The following TRPM3 variants were observed in gnomAD, a reference collection of about 807,000 sequenced individuals.
TRPM3 encodes the protein transient receptor potential cation channel subfamily M member 3, also known as long transient receptor potential channel 3.
In TRPM3, 77 loss-of-function variants were observed where a neutral mutation model predicts 181.2. The ratio of observed to expected loss-of-function variants is 0.42; its 90% CI spans 0.35 to 0.51. TRPM3 has a LOEUF of 0.51. TRPM3 is among the 20% of genes least tolerant of loss of function. TRPM3 has a pLI of 0.01. For missense variants in TRPM3, 1,759 were observed against 2,196.7 expected, an observed-to-expected ratio of 0.80 and a Z score of 3.98; for synonymous variants, 745 against 796.4, an observed-to-expected ratio of 0.94 and a Z score of 1.09.
At chr9:71,086,552 A>G (rs910867162) in intron 1 of TRPM3, among the ~76,000 whole-genome samples, 3 of 152,008 alleles carry the variant, frequency 2.0e-5, no homozygotes, top group African/African-American at 7.2e-5. Context: ...TCAAAGTATC[A>G]AAGACCTGCA....
intron 1 of TRPM3, among the ~76,000 whole-genome samples, chr9:71,153,138 C>A (rs187538368): frequency 6.6e-6 from 1 of 152,102 alleles, no homozygotes; most frequent in East Asian, 1.9e-4. Flanking sequence ...ACCATCAGAT[C>A]ATCTTGGTAA....
At chr9:71,273,083 C>T (rs1303181496) in intron 1 of TRPM3, among the ~76,000 whole-genome samples, 2 of 152,112 alleles carry the variant, frequency 1.3e-5, no homozygotes, top group African/African-American at 4.8e-5. Context: ...CCATGTTGCC[C>T]AGGCTTGGTC....
intron 22 of TRPM3, among the ~76,000 whole-genome samples, chr9:70,581,497 C>T (rs1263829091): frequency 6.6e-6 from 1 of 152,230 alleles, no homozygotes; most frequent in African/African-American, 2.4e-5. Context: ...CTTATTTGGA[C>T]TCTGTCACAT....
At chr9:71,357,226 G>A (rs1055598244) in intron 1 of TRPM3, among the ~76,000 whole-genome samples, 12 of 152,152 alleles carry the variant, frequency 7.9e-5, no homozygotes, top group African/African-American at 2.9e-4. Context: ...ACTTCTTGCT[G>A]CAGTATCAGT....
At chr9:71,446,633 G>GCT in intron 1 of TRPM3, 1 of 1,547,710 alleles carries the variant, frequency 6.5e-7, no homozygotes, top group South Asian at 1.2e-5. Context: ...AAAGACTGGG[G>GCT]CTCTCCCCCG....
chr9:71,350,250 T>C (rs2091545001), intron 1 of TRPM3, among the ~76,000 whole-genome samples: 1 of 152,148 alleles, frequency 6.6e-6, no homozygotes, highest in African/African-American at 2.4e-5. Flanking sequence ...CTCTTCAAGG[T>C]ATTTCATGTC....
chr9:70,834,751 A>T (rs2094190170), intron 5 of TRPM3, among the ~76,000 whole-genome samples: 1 of 152,180 alleles, frequency 6.6e-6, no homozygotes, highest in Admixed American at 6.6e-5. Context: ...AAACCCTCAG[A>T]TGGTGCAGCC....
chr9:70,933,295 A>G (rs1382623688), intron 1 of TRPM3, among the ~76,000 whole-genome samples: 1 of 152,168 alleles, frequency 6.6e-6, no homozygotes, highest in Non-Finnish European at 1.5e-5. Context: ...TAGGAACTAA[A>G]TTGGTGGGTA....
chr9:71,345,408 C>T (rs1469091232), intron 1 of TRPM3, among the ~76,000 whole-genome samples: 1 of 152,058 alleles, frequency 6.6e-6, no homozygotes, highest in Non-Finnish European at 1.5e-5. Flanking sequence ...TACTATGCAG[C>T]CATAAAAAAG....
intron 1 of TRPM3, among the ~76,000 whole-genome samples, chr9:71,221,476 A>C (rs2131850193): frequency 6.6e-6 from 1 of 152,320 alleles, no homozygotes; most frequent in South Asian, 2.1e-4. Flanking sequence ...ACTATTGAGC[A>C]ATTTTATGTT....
chr9:70,794,955 A>T (rs1375606898), intron 6 of TRPM3, among the ~76,000 whole-genome samples: 1 of 152,244 alleles, frequency 6.6e-6, no homozygotes, highest in African/African-American at 2.4e-5. Context: ...CTGAAAAAAA[A>T]TTATTCCTAT....
chr9:71,050,690 G>A (rs951116308), intron 1 of TRPM3, among the ~76,000 whole-genome samples: 5 of 152,026 alleles, frequency 3.3e-5, no homozygotes, highest in East Asian at 1.9e-4. Flanking sequence ...CTGTACATTC[G>A]AAACTCTGGT....
intron 6 of TRPM3, chr9:70,811,371 ACCTATGTAGAG>A (rs1450043828): frequency 2.7e-6 from 2 of 742,860 alleles, no homozygotes; most frequent in Non-Finnish European, 4.6e-6. Context: ...GCACAGTGAA[ACCTATGTAGAG>A]CATCATCCAG....
At position 70,536,161 on chromosome 9, in the gene TRPM3, G is replaced by A. The variant is rs756840369; in HGVS notation, c.4952C>T (p.Ser1651Leu). The change falls in exon 26 of 26, where the codon TCG (serine) becomes TTG (leucine). Residue 1651 changes from serine (S) to leucine (L), a missense_variant. By Grantham distance (145) the Ser-to-Leu change is moderately radical (BLOSUM62 -2). Transcript: ENST00000677713. Reference sequence around the variant, plus strand: ...ATATGGCGCACTTGGCTCCTCTGCCGAGTAGCTGTTGGCGCGCTCTATCTT... The same window carrying A: ...ATATGGCGCACTTGGCTCCTCTGCCAAGTAGCTGTTGGCGCGCTCTATCTT... Reference protein sequence around the residue: ...VPKIERANSYSAEEPSAPYAH... With the variant: ...VPKIERANSYLAEEPSAPYAH... 12 of 1,614,072 alleles carry A rather than the reference G, an allele frequency of 7.4e-6. No homozygotes were observed. Among genetic ancestry groups the A allele is most frequent in the East Asian group, 6.7e-5 (3 of 44,890 alleles).
intron 1 of TRPM3, among the ~76,000 whole-genome samples, chr9:71,385,400 A>C (rs1588773689): frequency 6.6e-6 from 1 of 152,366 alleles, no homozygotes; most frequent in East Asian, 1.9e-4. Context: ...TAACTTATGG[A>C]ACTTTTAAAC....
In TRPM3 at chr9:70,864,437, G is replaced by A; in HGVS notation, c.252C>T (p.Pro84=). Residue 84 remains proline, a synonymous_variant, in exon 2 of 26, where the codon CCC becomes CCT. Coordinates refer to ENST00000677713, the MANE Select transcript of TRPM3 (RefSeq NM_001366145.2). The stretch of plus-strand genomic sequence containing the variant: ...ATTATAGACAGCAAGATTACCTATG[G>A]GGGTCTTTGGTGCTGGGTATGATGT... ...CVHIIPSTKD[P]HRCCCGRLIG... is the part of the protein sequence containing the mutation. 1 of 1,481,986 alleles carries A rather than the reference G, an allele frequency of 6.7e-7. No homozygotes were observed. The highest frequency in any genetic ancestry group is 8.9e-7 in the Non-Finnish European group (1 of 1,122,400). 91.8% of individuals were successfully genotyped at this position (1,481,986 alleles called of 1,614,324 possible).
chr9:71,115,856 T>C (rs2134284339), intron 1 of TRPM3, among the ~76,000 whole-genome samples: 1 of 152,332 alleles, frequency 6.6e-6, no homozygotes, highest in South Asian at 2.1e-4. Flanking sequence ...TTAGGCTGCC[T>C]GAAGAACATT....
intron 1 of TRPM3, among the ~76,000 whole-genome samples, chr9:71,173,233 A>C (rs2076950174): frequency 6.6e-6 from 1 of 152,178 alleles, no homozygotes; most frequent in South Asian, 2.1e-4. Flanking sequence ...AGAAAATAGG[A>C]AACTATATCA....
chr9:70,810,772 T>C (rs1418988552), intron 6 of TRPM3, among the ~76,000 whole-genome samples: 1 of 152,190 alleles, frequency 6.6e-6, no homozygotes, highest in Non-Finnish European at 1.5e-5. Context: ...GCTGTGCCAC[T>C]AATTGGATTT....
Sources: gnomAD v4.1 joint callset for allele counts (sites outside exome capture counted in the v4.1 genomes callset) on GRCh38, gnomAD v4.1.1 for gene constraint, MANE v1.5 for transcripts, NCBI Gene and HGNC (gene_info 2026-07-23, HGNC 2026-07-21) for gene names.